NEK10: variants seen among roughly 807,000 people sequenced by gnomAD.
The protein encoded by NEK10 is serine/threonine-protein kinase Nek10.
A neutral mutation model predicts 159.8 loss-of-function variants in NEK10; 122 were observed. The observed-to-expected ratio is 0.76, with a 90% confidence interval of 0.66 to 0.89. The LOEUF is 0.89. Among genes scored for constraint, NEK10 ranks in the 40% least tolerant of loss-of-function variants. The probability of loss-of-function intolerance (pLI) is 0.00; values close to 1 mark genes in which losing one functional copy is unlikely to be tolerated. For missense variants in NEK10, 1,342 were observed against 1,323.1 expected, an observed-to-expected ratio of 1.01 and a Z score of -0.22; for synonymous variants, 466 against 457.1, an observed-to-expected ratio of 1.02 and a Z score of -0.25.
intron 32 of NEK10, among the ~76,000 whole-genome samples, chr3:27,120,725 C>G (rs1173645371): frequency 6.6e-6 from 1 of 152,070 alleles, no homozygotes; most frequent in Non-Finnish European, 1.5e-5. Flanking sequence ...AGTAATTTGC[C>G]AAATGACGGT....
intron 1 of NEK10, among the ~76,000 whole-genome samples, chr3:27,359,623 G>A (rs548840077): frequency 1.3e-3 from 203 of 152,290 alleles, no homozygotes; most frequent in African/African-American, 4.7e-3. Context: ...GTCACATAGA[G>A]CAGCCAGAGA....
At chr3:27,251,698 C>T (rs940214085) in intron 23 of NEK10, among the ~76,000 whole-genome samples, 30 of 152,180 alleles carry the variant, frequency 2.0e-4, no homozygotes, top group African/African-American at 6.5e-4. Flanking sequence ...AATCCAAGAA[C>T]GATCTAACAC....
chr3:27,238,746 C>CGTGTGT (rs59740177), intron 23 of NEK10, among the ~76,000 whole-genome samples: 2,907 of 138,078 alleles, frequency 0.021, 59 homozygotes, highest in East Asian at 0.061. Context: ...CCTCCCCTTT[C>CGTGTGT]GTGTGTGTGT....
chr3:27,309,148 T>C, intron 9 of NEK10, 143 bp from the exon 10 acceptor site: 1 of 513,970 alleles, frequency 1.9e-6, no homozygotes, highest in Non-Finnish European at 3.6e-6. Context: ...TTAACTGTTT[T>C]TTTTTTTTGC....
chr3:27,268,163 G>T (rs1232493365), intron 22 of NEK10, among the ~76,000 whole-genome samples: 1 of 152,172 alleles, frequency 6.6e-6, no homozygotes, highest in Non-Finnish European at 1.5e-5. Context: ...AGCAGAGGTT[G>T]GTTCACGAGG....
intron 26 of NEK10, among the ~76,000 whole-genome samples, chr3:27,182,222 T>G (rs1223676924): frequency 6.6e-6 from 1 of 152,168 alleles, no homozygotes; most frequent in East Asian, 1.9e-4. Context: ...AATTATACTG[T>G]GTGGTAATGC....
At chr3:27,222,949 A>C (rs1053028987) in intron 23 of NEK10, among the ~76,000 whole-genome samples, 3 of 151,982 alleles carry the variant, frequency 2.0e-5, no homozygotes, top group Non-Finnish European at 2.9e-5. Context: ...TTTTGGCAAC[A>C]TGACCTTAAA....
At chr3:27,268,806 T>C (rs962977664) in intron 22 of NEK10, among the ~76,000 whole-genome samples, 7 of 152,200 alleles carry the variant, frequency 4.6e-5, no homozygotes, top group African/African-American at 1.4e-4. Context: ...TTCATAAGGC[T>C]ATAGCTGCCA....
chr3:27,257,125 A>AGG (rs1244532164), intron 22 of NEK10, among the ~76,000 whole-genome samples: 2 of 152,144 alleles, frequency 1.3e-5, no homozygotes, highest in African/African-American at 4.8e-5. Context: ...CACGTTGGCC[A>AGG]GGCTGGTCTT....
chr3:27,250,021 TCCC>T (rs963763570), intron 23 of NEK10, among the ~76,000 whole-genome samples: 2 of 152,088 alleles, frequency 1.3e-5, no homozygotes, highest in African/African-American at 4.8e-5. Flanking sequence ...TTTAATTTTG[TCCC>T]CCCACTTTTT....
rs184507444 is a variant in NEK10, at chr3:27,312,482, C to T, written c.490-305G>A. On this transcript the variant is annotated intron_variant, in intron 7 of 35. Coordinates refer to ENST00000691995, the MANE Select transcript of NEK10 (RefSeq NM_001394966.1). ...TGTTGTGTAATTTAGTATCCAAATA[C>T]AAGATACATATAAGATACATAATAC... Among the ~76,000 whole-genome samples, 32 of 152,226 alleles carry T rather than the reference C, an allele frequency of 2.1e-4. No individual in the cohort carries two copies. The East Asian group carries it at 4.8e-3, about 23-fold the overall frequency.
intron 26 of NEK10, among the ~76,000 whole-genome samples, chr3:27,180,266 G>C (rs757965792): frequency 6.6e-6 from 1 of 151,790 alleles, no homozygotes; most frequent in African/African-American, 2.4e-5. Flanking sequence ...ATGGTGGTGC[G>C]TGCCTATAAT....
chr3:27,184,002 C>T (rs1243641803), intron 26 of NEK10, among the ~76,000 whole-genome samples: 1 of 152,112 alleles, frequency 6.6e-6, no homozygotes, highest in African/African-American at 2.4e-5. Context: ...TTAAACAGTA[C>T]AATTTTGAAG....
At chr3:27,133,494 G>T (rs979672371) in intron 31 of NEK10, among the ~76,000 whole-genome samples, 2 of 152,194 alleles carry the variant, frequency 1.3e-5, no homozygotes, top group African/African-American at 4.8e-5. Flanking sequence ...TATATCTTTG[G>T]CTGGGTGCAG....
chr3:27,312,538 A>T (rs934946974), intron 7 of NEK10, among the ~76,000 whole-genome samples: 1 of 152,218 alleles, frequency 6.6e-6, no homozygotes, highest in African/African-American at 2.4e-5. Flanking sequence ...TCTTCAATGT[A>T]TCTTTTTAGG....
chr3:27,310,910 T>C (rs374877356), intron 9 of NEK10, 39 bp downstream of exon 9: 23 of 1,265,502 alleles, frequency 1.8e-5, no homozygotes, highest in African/African-American at 1.8e-4. Context: ...ACTATTGCCA[T>C]AGGGAGCTGA....
At chr3:27,210,853 C>T (rs1950945004) in intron 23 of NEK10, among the ~76,000 whole-genome samples, 1 of 152,174 alleles carries the variant, frequency 6.6e-6, no homozygotes, top group African/African-American at 2.4e-5. Context: ...ACCAGAGTGA[C>T]AAGACACTCC....
chr3:27,270,878 T>C, intron 22 of NEK10, among the ~76,000 whole-genome samples: 1 of 151,270 alleles, frequency 6.6e-6, no homozygotes, highest in South Asian at 2.1e-4. Context: ...GTACACACTA[T>C]AAAAAAAAAG....
At chr3:27,259,047 C>T (rs1289111487) in intron 22 of NEK10, among the ~76,000 whole-genome samples, 1 of 150,824 alleles carries the variant, frequency 6.6e-6, no homozygotes, top group African/African-American at 2.5e-5. Context: ...ATATCCTTCA[C>T]CCACTTGTTG....
Sources: allele counts gnomAD v4.1 joint callset (sites outside exome capture counted in the v4.1 genomes callset), GRCh38; gene constraint gnomAD v4.1.1; transcripts MANE v1.5; gene names NCBI Gene and HGNC (gene_info 2026-07-23, HGNC 2026-07-21).